MIB1: variants seen among roughly 807,000 people sequenced by gnomAD.
MIB1 encodes the protein E3 ubiquitin-protein ligase MIB1.
Under a neutral mutation model 124.5 loss-of-function variants are expected in MIB1, and 278 were observed. That is an observed-to-expected ratio of 2.23 (90% CI 2.02 to 2.47). The LOEUF (loss-of-function observed/expected upper bound fraction) is 2.47, where lower values mean the gene tolerates loss of function less well. MIB1 is among the 30% of genes most tolerant of loss of function. The pLI is 0.00. For missense variants in MIB1, 957 were observed against 1,254.4 expected, an observed-to-expected ratio of 0.76 and a Z score of 3.58; for synonymous variants, 446 against 429.4, an observed-to-expected ratio of 1.04 and a Z score of -0.48.
At chr18:21,706,797 A>AC (rs990269621) in intron 1 of MIB1, among the ~76,000 whole-genome samples, 8 of 151,506 alleles carry the variant, frequency 5.3e-5, no homozygotes, top group South Asian at 2.1e-4. Flanking sequence ...CCTGAGCCGC[A>AC]CCCCCCGCCC....
intron 18 of MIB1, 64 bp downstream of exon 18, chr18:21,853,282 G>A (rs2042197536): frequency 8.1e-7 from 1 of 1,238,508 alleles, no homozygotes; most frequent in South Asian, 1.3e-5. Flanking sequence ...CAAAAATTAT[G>A]TTTTTGAGGG....
intron 12 of MIB1, chr18:21,829,385 A>G (rs1271890514): frequency 5.6e-6 from 1 of 178,872 alleles, no homozygotes; most frequent in Non-Finnish European, 1.2e-5. Flanking sequence ...CGGAAACTTA[A>G]GATCAGCCTA....
intron 15 of MIB1, 150 bp downstream of exon 15, chr18:21,844,403 G>A: frequency 1.3e-6 from 1 of 792,564 alleles, no homozygotes; most frequent in Non-Finnish European, 2.0e-6. Context: ...GTACTAGTCA[G>A]TACTAACTTA....
At chr18:21,709,147 TC>T (rs1201319531) in intron 1 of MIB1, among the ~76,000 whole-genome samples, 1 of 152,044 alleles carries the variant, frequency 6.6e-6, no homozygotes, top group Non-Finnish European at 1.5e-5. Flanking sequence ...AAACCCCGTC[TC>T]TGCTAAAAAT....
intron 3 of MIB1, among the ~76,000 whole-genome samples, chr18:21,770,573 A>G (rs1381034529): frequency 1.3e-5 from 2 of 151,820 alleles, no homozygotes; most frequent in Non-Finnish European, 2.9e-5. Flanking sequence ...TCCTGCCTCC[A>G]CCTCCCAAAG....
intron 11 of MIB1, among the ~76,000 whole-genome samples, chr18:21,818,115 T>TA (rs2041846726): frequency 6.6e-6 from 1 of 152,218 alleles, no homozygotes; most frequent in Non-Finnish European, 1.5e-5. Context: ...ACTAGCCACT[T>TA]TGCTGCCCTT....
intron 1 of MIB1, among the ~76,000 whole-genome samples, chr18:21,734,604 C>T (rs931972748): frequency 2.6e-5 from 4 of 151,872 alleles, no homozygotes; most frequent in South Asian, 2.1e-4. Flanking sequence ...TCTCAGCTCA[C>T]TGCAACCTTT....
chr18:21,733,090 T>A (rs2040779589), intron 1 of MIB1, among the ~76,000 whole-genome samples: 1 of 152,182 alleles, frequency 6.6e-6, no homozygotes, highest in African/African-American at 2.4e-5. Context: ...TTTAGGATCG[T>A]ACTGGTAAAG....
intron 12 of MIB1, among the ~76,000 whole-genome samples, chr18:21,824,804 G>C (rs951383988): frequency 3.2e-4 from 3 of 9,448 alleles, no homozygotes; most frequent in Non-Finnish European, 6.0e-4. Flanking sequence ...TGAAATGTTT[G>C]TCTCTATTAA....
chr18:21,774,274 T>C (rs1188063737), intron 4 of MIB1, among the ~76,000 whole-genome samples: 2 of 152,230 alleles, frequency 1.3e-5, no homozygotes, highest in Non-Finnish European at 2.9e-5. Flanking sequence ...TATGTTTTTG[T>C]ATTTCATGGA....
At chr18:21,717,549 G>T in intron 1 of MIB1, among the ~76,000 whole-genome samples, 1 of 150,504 alleles carries the variant, frequency 6.6e-6, no homozygotes, top group East Asian at 1.9e-4. Flanking sequence ...AAATTAGCAA[G>T]AAAAAAAACA....
chr18:21,812,717 G>T (rs960616220), intron 10 of MIB1, among the ~76,000 whole-genome samples: 1 of 152,124 alleles, frequency 6.6e-6, no homozygotes, highest in Non-Finnish European at 1.5e-5. Flanking sequence ...AGGGCAGGGG[G>T]ATAGAAAGAA....
Position 21,847,088 on chromosome 18 carries a change from T to C in MIB1, c.2356T>C (p.Cys786Arg). 1.9e-6 allele frequency: 3 copies of C among 1,614,194 alleles called. No individual in the cohort carries two copies. Among genetic ancestry groups the C allele is most frequent in the Non-Finnish European group, 2.5e-6 (3 of 1,180,012 alleles). ...PLDLCPDPNL[C>R]KALAKCHKEK... Reference sequence around the variant, plus strand: ...TGATCTCTGTCCTGATCCGAATCTCTGCAAAGCACTGGCAAAGTGTCATAA... The same window carrying C: ...TGATCTCTGTCCTGATCCGAATCTCCGCAAAGCACTGGCAAAGTGTCATAA... Residue 786 changes from cysteine (C) to arginine (R), a missense_variant, in exon 16 of 21, where the codon TGC (cysteine) becomes CGC (arginine). Coordinates refer to ENST00000261537, the MANE Select transcript of MIB1 (RefSeq NM_020774.4).
At chr18:21,736,620 A>T (rs1350918598), upstream of MIB1, among the ~76,000 whole-genome samples, 2 of 152,234 alleles carry the variant, frequency 1.3e-5, no homozygotes, top group African/African-American at 4.8e-5. Flanking sequence ...GAAACTTGAA[A>T]AAAGGTTAGA....
At chr18:21,847,719 A>T (rs1032755794) in intron 16 of MIB1, among the ~76,000 whole-genome samples, 7 of 152,322 alleles carry the variant, frequency 4.6e-5, no homozygotes, top group African/African-American at 1.7e-4. Flanking sequence ...CACCCTGCTC[A>T]GTGCCTGACA....
At position 21,791,543 on chromosome 18, in the gene MIB1, G is replaced by T; in HGVS notation, c.1078G>T (p.Glu360Ter). Residue 360 changes from glutamate (E) to a stop codon, truncating the protein, a stop_gained, in exon 7 of 21, where the codon GAA becomes TAA. Coordinates refer to ENST00000261537, the MANE Select transcript of MIB1 (RefSeq NM_020774.4). LOFTEE classifies it high-confidence loss of function. ...LLQRGHGEWAEAMLPTLGKVG... is the reference protein window; with the variant it reads ...LLQRGHGEWA ...ACAAAGAGGACATGGAGAATGGGCT[G>T]AAGCGATGCTTCCAGTAAGTATGTT... 6.2e-7 allele frequency: 1 copy of T among 1,612,286 alleles called. No individual in the cohort carries two copies. Among genetic ancestry groups the T allele is most frequent in the Non-Finnish European group, 8.5e-7 (1 of 1,178,752 alleles).
intron 6 of MIB1, among the ~76,000 whole-genome samples, chr18:21,782,230 C>A (rs575572195): frequency 6.6e-6 from 1 of 152,272 alleles, no homozygotes; most frequent in South Asian, 2.1e-4. Flanking sequence ...TCAAACGGTT[C>A]TCCTGCCTCA....
At chr18:21,830,748 T>C (rs928681213) in intron 12 of MIB1, 4 of 152,170 alleles carry the variant, frequency 2.6e-5, no homozygotes, top group African/African-American at 9.6e-5. Context: ...TTTCTTTTCA[T>C]GAGCCCGGTG....
intron 12 of MIB1, chr18:21,825,578 G>A (rs2041917088): frequency 2.4e-6 from 1 of 419,502 alleles, no homozygotes; most frequent in Non-Finnish European, 4.9e-6. Flanking sequence ...GCTTTTCCAG[G>A]TAGAATTAAC....
Sources: allele counts gnomAD v4.1 joint callset (sites outside exome capture counted in the v4.1 genomes callset), GRCh38; gene constraint gnomAD v4.1.1; transcripts MANE v1.5; gene names NCBI Gene and HGNC (gene_info 2026-07-23, HGNC 2026-07-21).